AFG1L: variants seen among roughly 807,000 people sequenced by gnomAD.
AFG1L encodes the protein AFG1 like ATPase.
AFG1L carries 53 observed loss-of-function variants against 62.2 expected under a neutral mutation model. That is an observed-to-expected ratio of 0.85 (90% CI 0.68 to 1.07). AFG1L has a LOEUF of 1.07. Among genes scored for constraint, AFG1L ranks in the 50% least tolerant of loss-of-function variants. The pLI is 0.00. For missense variants in AFG1L, 555 were observed against 590.5 expected (o/e 0.94, Z 0.62); for synonymous variants, 228 against 210.3 (o/e 1.08, Z -0.73).
At position 108,306,900 on chromosome 6, in the gene AFG1L, C is replaced by T. The variant is rs998089350; in HGVS notation, c.139+11682C>T. On this transcript the variant is annotated intron_variant, in intron 1 of 12. Coordinates refer to ENST00000368977, the MANE Select transcript of AFG1L (RefSeq NM_145315.5). ...TCCTGTGGCATTAACTTTTGGTGGTCAGGTCACATTCATATCTCACTTGCG... is the reference window on the plus strand; with the variant it reads ...TCCTGTGGCATTAACTTTTGGTGGTTAGGTCACATTCATATCTCACTTGCG... Among the ~76,000 whole-genome samples, 9 of 152,130 alleles carry T rather than the reference C, an allele frequency of 5.9e-5. 1 individual carries two copies. The South Asian group carries it at 6.2e-4, about 11-fold the overall frequency.
chr6:108,514,218 A>G (rs918649147), intron 11 of AFG1L, among the ~76,000 whole-genome samples: 1 of 152,202 alleles, frequency 6.6e-6, no homozygotes, highest in Non-Finnish European at 1.5e-5. Context: ...CTCCTCCTCC[A>G]AAGGAAGGCA....
At chr6:108,506,516 G>A (rs113614252) in intron 10 of AFG1L, among the ~76,000 whole-genome samples, 4,323 of 140,738 alleles carry the variant, frequency 0.031, 93 homozygotes, top group Middle Eastern at 0.11. Context: ...GCTTCCTCCC[G>A]TATTCTTTAA....
rs117041983 is a variant in AFG1L at position 108,410,032 on chromosome 6, G to T, written c.807+7978G>T. Among the ~76,000 whole-genome samples the T allele has an allele frequency of 9.4e-3, 1,433 of 152,184 alleles. 12 individuals are homozygous for T. Among genetic ancestry groups the T allele is most frequent in the South Asian group, 0.053 (254 of 4,828 alleles). On this transcript the variant is annotated intron_variant, in intron 7 of 12. Coordinates refer to ENST00000368977, the MANE Select transcript of AFG1L (RefSeq NM_145315.5). Reference sequence around the variant, plus strand: ...AAGAATCATACATTTTTGGCTGGGCGCAGTGGCTCACACCTGTAATCCTAG... The same window carrying T: ...AAGAATCATACATTTTTGGCTGGGCTCAGTGGCTCACACCTGTAATCCTAG...
intron 7 of AFG1L, among the ~76,000 whole-genome samples, chr6:108,402,794 G>T (rs1781690318): frequency 6.6e-6 from 1 of 151,890 alleles, no homozygotes; most frequent in Admixed American, 6.6e-5. Flanking sequence ...TGTTTTCCCA[G>T]CTATTAAAGT....
At chr6:108,357,774 C>A (rs557467091) in intron 5 of AFG1L, among the ~76,000 whole-genome samples, 1 of 152,078 alleles carries the variant, frequency 6.6e-6, no homozygotes, top group Non-Finnish European at 1.5e-5. Flanking sequence ...ATTTCCTGTT[C>A]TTCTGTGTTT....
intron 10 of AFG1L, among the ~76,000 whole-genome samples, chr6:108,504,480 C>T (rs1774323234): frequency 6.6e-6 from 1 of 152,200 alleles, no homozygotes; most frequent in Admixed American, 6.5e-5. Context: ...GGATGTGGTT[C>T]GTGGCACCCC....
chr6:108,464,475 C>T (rs1198699775), intron 8 of AFG1L, among the ~76,000 whole-genome samples: 1 of 152,176 alleles, frequency 6.6e-6, no homozygotes, highest in East Asian at 1.9e-4. Context: ...ACTCGCAAAG[C>T]ACTCAGGCTT....
At chr6:108,505,732 A>G (rs1392609357) in intron 10 of AFG1L, among the ~76,000 whole-genome samples, 1 of 152,218 alleles carries the variant, frequency 6.6e-6, no homozygotes, top group African/African-American at 2.4e-5. Flanking sequence ...TGAGCTTAAG[A>G]GCAGATTAAA....
At chr6:108,327,074 C>G (rs1173056266) in intron 2 of AFG1L, among the ~76,000 whole-genome samples, 1 of 152,136 alleles carries the variant, frequency 6.6e-6, no homozygotes, top group Non-Finnish European at 1.5e-5. Context: ...TAGGGAGACC[C>G]TGTCTCTACA....
At chr6:108,382,926 C>G (rs1201980166) in intron 6 of AFG1L, among the ~76,000 whole-genome samples, 1 of 152,130 alleles carries the variant, frequency 6.6e-6, no homozygotes, top group Non-Finnish European at 1.5e-5. Flanking sequence ...GATACTGCAG[C>G]AATAAATCTA....
chr6:108,514,810 A>G (rs1283452260), intron 11 of AFG1L, among the ~76,000 whole-genome samples: 1 of 152,216 alleles, frequency 6.6e-6, no homozygotes, highest in African/African-American at 2.4e-5. Flanking sequence ...AAGATCTACC[A>G]AGCAAATGGA....
chr6:108,380,984 T>C lies in AFG1L; in HGVS notation c.748+14652T>C, dbSNP rs867116251. Among the ~76,000 whole-genome samples the C allele has an allele frequency of 7.6e-4, 115 of 152,234 alleles. 1 individual carries two copies. The highest frequency in any genetic ancestry group is 2.7e-3 in the African/African-American group (111 of 41,460). On this transcript the variant is annotated intron_variant, in intron 6 of 12. Transcript: ENST00000368977. ...GGATGTCCTTTATGATTCTGGTAGA[T>C]TTCCATTTTCCTCCTTGAATTAAAA...
intron 7 of AFG1L, among the ~76,000 whole-genome samples, chr6:108,418,162 C>G (rs954826345): frequency 6.6e-6 from 1 of 152,220 alleles, no homozygotes; most frequent in Admixed American, 6.5e-5. Context: ...TAAAGGCATT[C>G]ATTTTACCCT....
intron 5 of AFG1L, among the ~76,000 whole-genome samples, chr6:108,358,674 G>A (rs1215177011): frequency 3.3e-5 from 5 of 152,308 alleles, no homozygotes; most frequent in African/African-American, 1.2e-4. Context: ...TGGGATTACA[G>A]GTGGGCGCCA....
chr6:108,389,147 CTT>C (rs943051752), intron 6 of AFG1L, among the ~76,000 whole-genome samples: 2 of 152,112 alleles, frequency 1.3e-5, no homozygotes, highest in Non-Finnish European at 2.9e-5. Flanking sequence ...TTCTTTGTCT[CTT>C]TTGATCTTTG....
In AFG1L at chr6:108,330,313, C is replaced by T. The variant is rs149165274; in HGVS notation, c.363+6265C>T. On this transcript the variant is annotated intron_variant, in intron 2 of 12. Coordinates refer to ENST00000368977, the MANE Select transcript of AFG1L (RefSeq NM_145315.5). The stretch of plus-strand genomic sequence containing the variant: ...GCCTCAGCTTCCTGAGTAGCTGGGA[C>T]TACAGGTGCATGCCACCACGCCCAG... 4.6e-3 allele frequency among the ~76,000 whole-genome samples: 689 copies of T among 151,392 alleles called. 8 individuals carry two copies. The highest frequency in any genetic ancestry group is 0.016 in the African/African-American group (652 of 41,292).
intron 10 of AFG1L, among the ~76,000 whole-genome samples, chr6:108,493,160 C>T (rs111953595): frequency 0.016 from 2,426 of 152,202 alleles, 27 homozygotes; most frequent in Non-Finnish European, 0.025. Context: ...GCAAGGGAGC[C>T]GTGAGAATCA....
chr6:108,406,937 C>T (rs1781883015), intron 7 of AFG1L, among the ~76,000 whole-genome samples: 1 of 152,188 alleles, frequency 6.6e-6, no homozygotes, highest in Non-Finnish European at 1.5e-5. Context: ...ATTCAGCCTC[C>T]ATTGACACCT....
At chr6:108,441,948 C>CA (rs1215890591) in intron 7 of AFG1L, among the ~76,000 whole-genome samples, 8 of 151,410 alleles carry the variant, frequency 5.3e-5, no homozygotes, top group African/African-American at 1.9e-4. Context: ...TTTTTAATAG[C>CA]AAAAAATAAG....
Sources: gnomAD v4.1 joint callset for allele counts (sites outside exome capture counted in the v4.1 genomes callset) on GRCh38, gnomAD v4.1.1 for gene constraint, MANE v1.5 for transcripts, NCBI Gene and HGNC (gene_info 2026-07-23, HGNC 2026-07-21) for gene names.